Variants in SAMMSON observed in about 807,000 individuals in gnomAD.
The protein encoded by SAMMSON is long intergenic non-protein coding RNA 1212.
chr3:70,354,912 CT>C (rs1306220373), intron 8 of SAMMSON, among the ~76,000 whole-genome samples: 3 of 152,040 alleles, frequency 2.0e-5, no homozygotes, highest in Non-Finnish European at 4.4e-5. Context: ...GGGTATTTTT[CT>C]TAATAAAATC....
chr3:70,080,344 T>C (rs995996574), intron 4 of SAMMSON, among the ~76,000 whole-genome samples: 4 of 152,234 alleles, frequency 2.6e-5, no homozygotes, highest in Admixed American at 2.6e-4. Flanking sequence ...TTAGCCTCTA[T>C]TCGTCAGCAA....
intron 4 of SAMMSON, among the ~76,000 whole-genome samples, chr3:70,144,664 C>A (rs534847413): frequency 1.4e-4 from 21 of 152,218 alleles, no homozygotes; most frequent in Non-Finnish European, 2.8e-4. Context: ...GTGGGAGGGA[C>A]CCAGTGGGAG....
At chr3:70,317,879 T>C (rs1386901636) in intron 7 of SAMMSON, among the ~76,000 whole-genome samples, 1 of 151,876 alleles carries the variant, frequency 6.6e-6, no homozygotes, top group Non-Finnish European at 1.5e-5. Context: ...TAAAAATGTC[T>C]TTAGTTCACT....
intron 4 of SAMMSON, among the ~76,000 whole-genome samples, chr3:70,204,019 C>G (rs1418359892): frequency 6.6e-6 from 1 of 152,108 alleles, no homozygotes; most frequent in East Asian, 1.9e-4. Context: ...CAGTAAAGAT[C>G]CTTTTAAATT....
intron 7 of SAMMSON, among the ~76,000 whole-genome samples, chr3:70,304,551 A>T (rs1038258394): frequency 2.0e-5 from 3 of 152,104 alleles, no homozygotes; most frequent in African/African-American, 7.2e-5. Flanking sequence ...GCCGGGGGTC[A>T]GCCTTTGATT....
At chr3:70,148,380 C>T (rs972416546) in intron 4 of SAMMSON, among the ~76,000 whole-genome samples, 7 of 152,080 alleles carry the variant, frequency 4.6e-5, no homozygotes, top group East Asian at 3.9e-4. Context: ...TAATTTGTTT[C>T]TTATTCTTGC....
intron 3 of SAMMSON, among the ~76,000 whole-genome samples, chr3:70,019,239 G>A (rs1233654942): frequency 2.6e-5 from 4 of 152,138 alleles, no homozygotes; most frequent in Non-Finnish European, 5.9e-5. Flanking sequence ...AGATCTCTAA[G>A]GACTTGCTTT....
intron 4 of SAMMSON, among the ~76,000 whole-genome samples, chr3:70,181,412 TGGAGA>T (rs1035417180): frequency 6.6e-6 from 1 of 152,210 alleles, no homozygotes; most frequent in African/African-American, 2.4e-5. Flanking sequence ...GGGCTTCTTT[TGGAGA>T]GGGATGTGGC....
intron 6 of SAMMSON, among the ~76,000 whole-genome samples, chr3:70,249,849 G>T (rs1045662485): frequency 2.6e-5 from 4 of 152,104 alleles, no homozygotes; most frequent in African/African-American, 9.7e-5. Context: ...AAAATAAGAT[G>T]CTGAAATTCC....
chr3:70,080,629 T>C (rs2067264552), intron 4 of SAMMSON, among the ~76,000 whole-genome samples: 1 of 152,074 alleles, frequency 6.6e-6, no homozygotes, highest in African/African-American at 2.4e-5. Context: ...ATAAAACTCT[T>C]ACTGGCTACA....
intron 7 of SAMMSON, among the ~76,000 whole-genome samples, chr3:70,324,404 T>A (rs1450689902): frequency 1.3e-5 from 2 of 152,038 alleles, no homozygotes; most frequent in African/African-American, 2.4e-5. Context: ...AATCTTTAAT[T>A]TCTTGTTTGT....
At chr3:70,218,308 A>G (rs1348861843) in intron 4 of SAMMSON, among the ~76,000 whole-genome samples, 2 of 152,222 alleles carry the variant, frequency 1.3e-5, no homozygotes, top group East Asian at 1.9e-4. Flanking sequence ...ATGTGCCTCC[A>G]TTGTGTATGC....
At chr3:70,316,731 A>C (rs1702497065) in intron 7 of SAMMSON, among the ~76,000 whole-genome samples, 1 of 152,138 alleles carries the variant, frequency 6.6e-6, no homozygotes, top group Non-Finnish European at 1.5e-5. Context: ...AGGTTCTCCC[A>C]GGAGAAGGTT....
Position 70,018,212 on chromosome 3 carries a change from T to C in SAMMSON, n.417+4540T>C, listed in dbSNP as rs62253235. 3.2e-3 allele frequency among the ~76,000 whole-genome samples: 489 copies of C among 152,146 alleles called. 2 individuals carry two copies. Among genetic ancestry groups the C allele is most frequent in the Non-Finnish European group, 5.1e-3 (346 of 67,964 alleles). On this transcript the variant is annotated intron_variant and non_coding_transcript_variant, in intron 3 of 9. Transcript: ENST00000642114. ...GAATTCGGCTGTGAATCCATCTGGTTCTGGACTTTTTTTGTTGGTAAACTA... is the reference window on the plus strand; with the variant it reads ...GAATTCGGCTGTGAATCCATCTGGTCCTGGACTTTTTTTGTTGGTAAACTA...
intron 4 of SAMMSON, among the ~76,000 whole-genome samples, chr3:70,201,293 T>G (rs1056014551): frequency 7.9e-5 from 12 of 152,118 alleles, no homozygotes; most frequent in African/African-American, 2.4e-4. Context: ...TGAGAACATG[T>G]GGTGTTTGGT....
chr3:70,106,933 C>T (rs2067369344), intron 4 of SAMMSON, among the ~76,000 whole-genome samples: 1 of 152,196 alleles, frequency 6.6e-6, no homozygotes, highest in Non-Finnish European at 1.5e-5. Context: ...GAACAGCTCA[C>T]GTTGAATTGC....
intron 7 of SAMMSON, among the ~76,000 whole-genome samples, chr3:70,335,976 A>G (rs1702657144): frequency 6.6e-6 from 1 of 152,006 alleles, no homozygotes; most frequent in African/African-American, 2.4e-5. Context: ...TGCTAATATA[A>G]CAATTTCAGG....
intron 4 of SAMMSON, among the ~76,000 whole-genome samples, chr3:70,193,154 T>A (rs1701144307): frequency 6.6e-6 from 1 of 152,104 alleles, no homozygotes; most frequent in Non-Finnish European, 1.5e-5. Flanking sequence ...GGAGGCATAT[T>A]TATCCAAATA....
intron 2 of SAMMSON, among the ~76,000 whole-genome samples, chr3:70,399,532 A>G (rs1406727010): frequency 6.6e-6 from 1 of 152,154 alleles, no homozygotes; most frequent in Non-Finnish European, 1.5e-5. Flanking sequence ...CCCAACAAAT[A>G]TATCTGTTGA....
Sources: allele counts gnomAD v4.1 joint callset (sites outside exome capture counted in the v4.1 genomes callset), GRCh38; gene constraint gnomAD v4.1.1; transcripts MANE v1.5; gene names NCBI Gene and HGNC (gene_info 2026-07-23, HGNC 2026-07-21).